ANXA2: variants seen among roughly 807,000 people sequenced by gnomAD.
The protein encoded by ANXA2 is annexin II.
ANXA2 carries 28 observed loss-of-function variants against 47.3 expected under a neutral mutation model. The observed-to-expected ratio is 0.59, with a 90% CI of 0.44 to 0.81. ANXA2 has a LOEUF of 0.81. Among genes scored for constraint, ANXA2 ranks in the 40% least tolerant of loss-of-function variants. ANXA2 has a pLI of 0.00. For missense variants in ANXA2, 384 were observed against 414.3 expected (o/e 0.93, Z 0.64); for synonymous variants, 172 against 155.5 (o/e 1.11, Z -0.79).
In ANXA2 at chr15:60,386,097, A is replaced by G; in HGVS notation, c.-11-11T>C. On this transcript the variant is annotated splice_polypyrimidine_tract_variant and intron_variant, in intron 1 of 12. Coordinates refer to ENST00000451270, the MANE Select transcript of ANXA2 (RefSeq NM_004039.3). ...ACATTTTGAAGGAAGCTGGAAAAAA[A>G]GTACAACAAAAAGTCTTTATGAAGA... The G allele has an allele frequency of 6.2e-7, 1 of 1,605,722 alleles. No homozygotes were observed. The highest frequency in any genetic ancestry group is 8.5e-7 in the Non-Finnish European group (1 of 1,173,324).
intron 1 of ANXA2, among the ~76,000 whole-genome samples, chr15:60,389,374 CG>C (rs1464840787): frequency 6.6e-6 from 1 of 152,180 alleles, no homozygotes; most frequent in Non-Finnish European, 1.5e-5. Flanking sequence ...ACTAGAGGCA[CG>C]GTAACTTTTC....
intron 8 of ANXA2, 61 bp downstream of exon 8, chr15:60,354,093 T>C (rs2062388343): frequency 2.2e-6 from 3 of 1,370,456 alleles, no homozygotes; most frequent in Non-Finnish European, 2.1e-6. Context: ...TAAATTACTA[T>C]ATAGACTATC....
At position 60,370,916 on chromosome 15, in the gene ANXA2, G is replaced by A. The variant is rs74871539; in HGVS notation, c.149-6393C>T. On this transcript the variant is annotated intron_variant, in intron 3 of 12. Coordinates refer to ENST00000451270, the MANE Select transcript of ANXA2 (RefSeq NM_004039.3). ...ATCCTCTTCCTCGTGTGTCTGATATGAGTGATCACAAAGTCATCTAAGCAA... is the reference window on the plus strand; with the variant it reads ...ATCCTCTTCCTCGTGTGTCTGATATAAGTGATCACAAAGTCATCTAAGCAA... 8.5e-5 allele frequency among the ~76,000 whole-genome samples: 13 copies of A among 152,296 alleles called. No individual in the cohort carries two copies. The East Asian group carries it at 2.3e-3, about 27-fold the overall frequency.
intron 3 of ANXA2, among the ~76,000 whole-genome samples, chr15:60,376,903 C>T (rs2062786785): frequency 6.6e-6 from 1 of 152,238 alleles, no homozygotes; most frequent in Non-Finnish European, 1.5e-5. Context: ...ACACAGACCA[C>T]AGGGAAATCA....
chr15:60,353,042 A>G (rs1031923434), intron 8 of ANXA2, among the ~76,000 whole-genome samples: 1 of 152,198 alleles, frequency 6.6e-6, no homozygotes, highest in Non-Finnish European at 1.5e-5. Context: ...TCATTCCGTG[A>G]TCTTCCACCA....
chr15:60,350,616 G>A lies in ANXA2; in HGVS notation c.837+577C>T, dbSNP rs894773588. 9.2e-5 allele frequency among the ~76,000 whole-genome samples: 14 copies of A among 152,324 alleles called. No homozygotes were observed. In the East Asian group the frequency reaches 2.5e-3, roughly 27 times the overall value. ...AGAAAACACATGGCACACTTGAGGT[G>A]TAGAAAATGGGATGGGTCTACGGGA... On this transcript the variant is annotated intron_variant, in intron 11 of 12. Transcript: ENST00000451270.
intron 9 of ANXA2, 33 bp from the exon 10 acceptor site, chr15:60,351,852 G>A (rs775318031): frequency 7.6e-6 from 11 of 1,440,676 alleles, no homozygotes; most frequent in South Asian, 3.5e-5. Flanking sequence ...TATCAGATCC[G>A]AGCCACTAGT....
intron 7 of ANXA2, 142 bp from the exon 8 acceptor site, chr15:60,354,355 G>C: frequency 1.4e-6 from 1 of 733,438 alleles, no homozygotes. Context: ...TTGAAACATA[G>C]ATGGGGCCGG....
At chr15:60,363,038 A>AAAC (rs1308835035) in intron 4 of ANXA2, 1 of 144,594 alleles carries the variant, frequency 6.9e-6, no homozygotes, top group African/African-American at 2.8e-5. Flanking sequence ...ACAAAAAAAA[A>AAAC]AAAAAAAAAA....
chr15:60,349,296 A>G (rs567538744), intron 11 of ANXA2, 99 bp from the exon 12 acceptor site: 1 of 1,392,178 alleles, frequency 7.2e-7, no homozygotes, highest in Non-Finnish European at 9.8e-7. Flanking sequence ...TCTGAAATCT[A>G]AAATGCTCCA....
intron 1 of ANXA2, among the ~76,000 whole-genome samples, chr15:60,388,217 T>A (rs1313216950): frequency 2.0e-5 from 3 of 151,396 alleles, no homozygotes; most frequent in Non-Finnish European, 4.4e-5. Context: ...TTTAGAATAG[T>A]CTTGCTCTGT....
rs1385032029 is a variant in ANXA2, at chr15:60,352,423, G to C, written c.642C>G (p.Ile214Met). Residue 214 changes from isoleucine to methionine, a missense_variant, in exon 9 of 13, where the codon ATC becomes ATG. By Grantham distance (10) the Ile-to-Met change is conservative (BLOSUM62 1). Coordinates refer to ENST00000451270, the MANE Select transcript of ANXA2 (RefSeq NM_004039.3). The surrounding 1 kb of genome is among the most constrained non-coding windows in gnomAD (Gnocchi z 4.2). ...GCACGCTCCGCTCGGTCATGATGCT[G>C]ATCCACTTGGGAACATCAGTTCCTT... ...KRKGTDVPKW[I>M]SIMTERSVPH... 3 of 1,613,676 alleles carry C rather than the reference G, an allele frequency of 1.9e-6. No individual in the cohort carries two copies. The highest frequency in any genetic ancestry group is 2.5e-6 in the Non-Finnish European group (3 of 1,179,816).
chr15:60,379,279 A>G (rs2062823851), intron 3 of ANXA2, among the ~76,000 whole-genome samples: 1 of 152,184 alleles, frequency 6.6e-6, no homozygotes, highest in Admixed American at 6.5e-5. Context: ...CTCCATCTCA[A>G]AAAAATAAAT....
intron 3 of ANXA2, among the ~76,000 whole-genome samples, chr15:60,373,172 C>G (rs574277964): frequency 6.6e-6 from 1 of 152,316 alleles, no homozygotes; most frequent in Non-Finnish European, 1.5e-5. Flanking sequence ...AATAATGTGT[C>G]AACACGTGTA....
At chr15:60,388,733 AC>A (rs2062966938) in intron 1 of ANXA2, among the ~76,000 whole-genome samples, 1 of 129,470 alleles carries the variant, frequency 7.7e-6, no homozygotes, top group Non-Finnish European at 1.6e-5. Context: ...CCACACCTAG[AC>A]CTTTTTTTTT....
intron 3 of ANXA2, among the ~76,000 whole-genome samples, chr15:60,378,838 C>T (rs1018501449): frequency 3.3e-5 from 5 of 151,912 alleles, no homozygotes; most frequent in African/African-American, 4.8e-5. Context: ...TGGTGGCACA[C>T]GCCTATAGTC....
At chr15:60,349,866 GCA>G (rs1895917219) in intron 11 of ANXA2, among the ~76,000 whole-genome samples, 3 of 119,782 alleles carry the variant, frequency 2.5e-5, no homozygotes, top group Admixed American at 9.0e-5. Flanking sequence ...AGGCAGGGAG[GCA>G]GGGGAAGGCA....
chr15:60,377,738 A>T (rs2062800460), intron 3 of ANXA2, among the ~76,000 whole-genome samples: 1 of 152,174 alleles, frequency 6.6e-6, no homozygotes, highest in African/African-American at 2.4e-5. Context: ...AAGGACCATG[A>T]AGTGACGTAC....
rs2062441497 is a variant in ANXA2 at position 60,357,068 on chromosome 15, G to A, written c.448+78C>T. The A allele has an allele frequency of 5.9e-6, 8 of 1,355,800 alleles. 1 individual carries two copies. The Middle Eastern group carries it at 7.6e-4, about 129-fold the overall frequency. 84.0% of individuals were successfully genotyped at this position (1,355,800 alleles called of 1,614,324 possible). A position where few individuals can be genotyped will look rare whatever the true frequency, so the allele number is the denominator to read the frequency against. ...ATCACTAATGCAGGCATCTTAGCCC[G>A]AACCCTAACCCCAGTGGCCATGATA... On this transcript the variant is annotated intron_variant, in intron 6 of 12. Transcript: ENST00000451270.
Sources: allele counts gnomAD v4.1 joint callset (sites outside exome capture counted in the v4.1 genomes callset), GRCh38; gene constraint gnomAD v4.1.1; non-coding constraint Gnocchi (gnomAD v3.1); transcripts MANE v1.5; gene names NCBI Gene and HGNC (gene_info 2026-07-23, HGNC 2026-07-21).